The following SHB variants were observed in gnomAD, a reference collection of about 807,000 sequenced individuals.
SHB encodes SH2 domain containing adaptor protein B.
In SHB, 20 loss-of-function variants were observed where a neutral mutation model predicts 52.3. The ratio of observed to expected loss-of-function variants is 0.38; its 90% CI spans 0.27 to 0.56. The LOEUF (loss-of-function observed/expected upper bound fraction) is 0.56. Among genes scored for constraint, SHB ranks in the 20% least tolerant of loss-of-function variants. SHB has a pLI of 0.71. For missense variants in SHB, 825 were observed against 723.3 expected (o/e 1.14, Z -1.61); for synonymous variants, 397 against 316.5 (o/e 1.25, Z -2.70).
At position 38,068,060 on chromosome 9, in the gene SHB, C is replaced by T; in HGVS notation, c.586G>A (p.Ala196Thr). 1.3e-6 allele frequency: 2 copies of T among 1,491,994 alleles called. No individual in the cohort carries two copies. The highest frequency in any genetic ancestry group is 1.8e-6 in the Non-Finnish European group (2 of 1,130,644). 92.4% of individuals were successfully genotyped at this position (1,491,994 alleles called of 1,614,324 possible). ...IKVESAAGGG[A>T]GDPLGGACAG... ...CAGGCGCCCCCCAGGGGGTCCCCGG[C>T]CCCACCGCCCGCGGCGCTCTCCACT... The change falls in exon 1 of 6, where the codon GCC (alanine) becomes ACC (threonine). Residue 196 changes from alanine (A) to threonine (T), a missense_variant. Coordinates refer to ENST00000377707, the MANE Select transcript of SHB (RefSeq NM_003028.3).
chr9:38,007,761 CAACA>C (rs1821090211), intron 2 of SHB, among the ~76,000 whole-genome samples: 1 of 149,534 alleles, frequency 6.7e-6, no homozygotes, highest in African/African-American at 2.5e-5. Context: ...GTGAGACAGA[CAACA>C]AACAAGGGAA....
At chr9:37,921,843 G>A (rs1832184160) in intron 5 of SHB, among the ~76,000 whole-genome samples, 1 of 152,250 alleles carries the variant, frequency 6.6e-6, no homozygotes, top group African/African-American at 2.4e-5. Flanking sequence ...AGTTTGGAAA[G>A]GGCTGTGATT....
At chr9:38,045,319 G>A (rs545693332) in intron 1 of SHB, among the ~76,000 whole-genome samples, 236 of 152,250 alleles carry the variant, frequency 1.6e-3, no homozygotes, top group African/African-American at 5.3e-3. Context: ...AAGCCACAAC[G>A]ACCAGGTGCG....
chr9:37,923,453 C>G (rs985643759), intron 5 of SHB, among the ~76,000 whole-genome samples: 1 of 152,208 alleles, frequency 6.6e-6, no homozygotes, highest in Non-Finnish European at 1.5e-5. Flanking sequence ...ACCGCCCCCC[C>G]AGGGGTCCGA....
intron 5 of SHB, 39 bp from the exon 6 acceptor site, chr9:37,920,043 G>C (rs930605266): frequency 6.5e-7 from 1 of 1,550,140 alleles, no homozygotes. Context: ...CTACCCCCCT[G>C]ACACTCAGGC....
At chr9:37,957,370 T>C (rs1445007430) in intron 3 of SHB, among the ~76,000 whole-genome samples, 2 of 152,242 alleles carry the variant, frequency 1.3e-5, no homozygotes, top group East Asian at 3.8e-4. Context: ...TGCTGTCTGC[T>C]GAAACCGAGG....
chr9:38,016,171 CTTTT>C, intron 1 of SHB, 40 bp from the exon 2 acceptor site: 1 of 1,610,592 alleles, frequency 6.2e-7, no homozygotes, highest in Non-Finnish European at 8.5e-7. Context: ...CCACCTTTGG[CTTTT>C]TTGTTTCACA....
At chr9:37,925,119 T>C (rs1377211136) in intron 5 of SHB, among the ~76,000 whole-genome samples, 3 of 152,156 alleles carry the variant, frequency 2.0e-5, no homozygotes, top group Non-Finnish European at 4.4e-5. Flanking sequence ...CCATCACCCA[T>C]CCACCCATCT....
At chr9:38,021,049 G>A (rs143925866) in intron 1 of SHB, among the ~76,000 whole-genome samples, 123 of 148,438 alleles carry the variant, frequency 8.3e-4, no homozygotes, top group African/African-American at 3.1e-3. Context: ...AAAGAATGAT[G>A]AGGCATGTCC....
chr9:37,987,810 G>A (rs923322316), intron 2 of SHB, among the ~76,000 whole-genome samples: 1 of 152,156 alleles, frequency 6.6e-6, no homozygotes, highest in Admixed American at 6.5e-5. Context: ...TCAGAGGGGC[G>A]GCCAACACAG....
Position 38,068,340 on chromosome 9 carries a change from C to T in SHB, c.306G>A (p.Ser102=), listed in dbSNP as rs751267651. Residue 102 remains serine (S), a synonymous_variant, in exon 1 of 6, where the codon TCG becomes TCA. Coordinates refer to ENST00000377707, the MANE Select transcript of SHB (RefSeq NM_003028.3). ...GGCACATGGCGCGCAGTTTGCGCAG[C>T]GACGAGCCAGGCCCGTTGTAGGGGT... ...FEDPYNGPGS[S]LRKLRAMCRL... 6 of 1,549,778 alleles carry T rather than the reference C, an allele frequency of 3.9e-6. No homozygotes were observed. The highest frequency in any genetic ancestry group is 1.9e-5 in the Admixed American group (1 of 52,582).
At chr9:38,015,531 A>G (rs1564102285) in intron 2 of SHB, 4 of 696,620 alleles carry the variant, frequency 5.7e-6, no homozygotes, top group Non-Finnish European at 7.9e-6. Context: ...CAAAACAAAG[A>G]TTTCTCGGGA....
At chr9:37,985,447 C>T (rs1789042235) in intron 2 of SHB, among the ~76,000 whole-genome samples, 1 of 152,256 alleles carries the variant, frequency 6.6e-6, no homozygotes, top group Non-Finnish European at 1.5e-5. Context: ...GTCCATTAGC[C>T]CTACCATCAC....
At chr9:37,922,960 A>G (rs1037099000) in intron 5 of SHB, among the ~76,000 whole-genome samples, 1 of 152,082 alleles carries the variant, frequency 6.6e-6, no homozygotes, top group Admixed American at 6.5e-5. Context: ...AAGCAGCCTC[A>G]CACCTTCCCT....
At chr9:38,052,148 G>A (rs1190063454) in intron 1 of SHB, among the ~76,000 whole-genome samples, 1 of 152,166 alleles carries the variant, frequency 6.6e-6, no homozygotes, top group East Asian at 1.9e-4. Flanking sequence ...TCAGATGGGA[G>A]AGCTCCATCT....
intron 2 of SHB, among the ~76,000 whole-genome samples, chr9:37,984,699 G>A (rs1029975683): frequency 2.6e-5 from 4 of 152,178 alleles, no homozygotes; most frequent in South Asian, 2.1e-4. Flanking sequence ...TGAGCTCTGC[G>A]GGAGTGCCAG....
rs1466397365 is a variant in SHB, at chr9:38,068,038, G to T, written c.608C>A (p.Ala203Asp). 1.3e-6 allele frequency: 2 copies of T among 1,507,732 alleles called. No homozygotes were observed. The highest frequency in any genetic ancestry group is 1.4e-5 in the African/African-American group (1 of 69,856). The allele number at this position is 1,507,732 out of a possible 1,614,324, so 93.4% of individuals were successfully genotyped here. A position where few individuals can be genotyped will look rare whatever the true frequency, so the allele number is the denominator to read the frequency against. ...GGGAGDPLGG[A>D]CAGGRTWSPT... ...GCTCCAGGTGCGGCCGCCCGCGCAG[G>T]CGCCCCCCAGGGGGTCCCCGGCCCC... Residue 203 changes from alanine (A) to aspartate (D), a missense_variant, in exon 1 of 6, where the codon GCC (alanine) becomes GAC (aspartate). By Grantham distance (126) the Ala-to-Asp change is moderately radical (BLOSUM62 -2). Transcript: ENST00000377707.
intron 3 of SHB, 115 bp downstream of exon 3, chr9:37,974,507 C>A: frequency 2.3e-6 from 2 of 855,330 alleles, no homozygotes; most frequent in African/African-American, 1.7e-5. Context: ...GAAAAAAGAC[C>A]ACCCAACTGG....
intron 2 of SHB, among the ~76,000 whole-genome samples, chr9:37,983,986 C>T (rs1288327681): frequency 6.6e-6 from 1 of 152,224 alleles, no homozygotes; most frequent in Non-Finnish European, 1.5e-5. Context: ...TAGTCTGAAT[C>T]CTGGCTCCAA....
Sources: gnomAD v4.1 joint callset for allele counts (sites outside exome capture counted in the v4.1 genomes callset) on GRCh38, gnomAD v4.1.1 for gene constraint, MANE v1.5 for transcripts, NCBI Gene and HGNC (gene_info 2026-07-23, HGNC 2026-07-21) for gene names.